PLEKHA2: variants seen among roughly 807,000 people sequenced by gnomAD.
PLEKHA2 encodes the protein pleckstrin homology domain containing A2.
Under a neutral mutation model 53.2 loss-of-function variants are expected in PLEKHA2, and 28 were observed. The observed-to-expected ratio is 0.53, with a 90% CI of 0.39 to 0.72. PLEKHA2 has a LOEUF of 0.72. Ranked by LOEUF, PLEKHA2 falls within the 30% of genes least tolerant of loss-of-function variation. The pLI, the probability that PLEKHA2 is intolerant of heterozygous loss-of-function variation, is 0.00. For synonymous variants in PLEKHA2, 193 were observed against 196.4 expected (o/e 0.98, Z 0.14); for missense variants, 426 against 537.9 (o/e 0.79, Z 2.06).
intron 3 of PLEKHA2, among the ~76,000 whole-genome samples, chr8:38,937,768 A>G (rs1834524066): frequency 6.6e-6 from 1 of 152,186 alleles, no homozygotes; most frequent in Non-Finnish European, 1.5e-5. Flanking sequence ...GGTTTTTCCC[A>G]GAATGACATT....
intron 5 of PLEKHA2, 150 bp from the exon 6 acceptor site, chr8:38,950,700 A>T (rs1834817485): frequency 1.1e-6 from 1 of 896,070 alleles, no homozygotes; most frequent in Non-Finnish European, 1.7e-6. Context: ...TCATATTCAG[A>T]TTTGGACTGT....
chr8:38,952,411 C>T (rs1339949265), intron 7 of PLEKHA2, 99 bp downstream of exon 7: 1 of 1,490,906 alleles, frequency 6.7e-7, no homozygotes, highest in Non-Finnish European at 9.0e-7. Flanking sequence ...CAGGAGGTGC[C>T]TCAGTCCTCC....
chr8:38,964,848 T>C (rs376323091), intron 10 of PLEKHA2, among the ~76,000 whole-genome samples: 3 of 145,216 alleles, frequency 2.1e-5, no homozygotes, highest in African/African-American at 7.5e-5. Flanking sequence ...TTCTTGTTAC[T>C]TCCCTTTTTT....
chr8:38,938,492 C>T (rs557114749), intron 3 of PLEKHA2, among the ~76,000 whole-genome samples: 5 of 152,328 alleles, frequency 3.3e-5, no homozygotes, highest in South Asian at 2.1e-4. Flanking sequence ...GCTCCTCTTC[C>T]GGCCATGGGC....
chr8:38,917,355 A>T (rs1834079042), intron 1 of PLEKHA2, among the ~76,000 whole-genome samples: 1 of 152,090 alleles, frequency 6.6e-6, no homozygotes, highest in Non-Finnish European at 1.5e-5. Context: ...GCAGAATTTT[A>T]TTCAGATGTT....
chr8:38,953,234 T>C (rs774875737), intron 8 of PLEKHA2, 63 bp from the exon 9 acceptor site: 7 of 1,328,130 alleles, frequency 5.3e-6, no homozygotes, highest in African/African-American at 1.5e-5. Context: ...ATTGGTCAGC[T>C]GGTCTGGGTC....
Position 38,969,406 on chromosome 8 carries a change from CTTTTATTTTTA to C in PLEKHA2, c.916-13_916-3del, listed in dbSNP as rs773963398. 6.3e-7 allele frequency: 1 copy of C among 1,597,922 alleles called. No individual in the cohort carries two copies. Among genetic ancestry groups the C allele is most frequent in the South Asian group, 1.1e-5 (1 of 88,166 alleles). ...CTAACTTTCTTTTGTCTTTTTCTTC[CTTTTATTTTTA>C]TAGGAAACGTCCTTTTCTAGATCCA... On this transcript the variant is annotated splice_region_variant and splice_polypyrimidine_tract_variant and intron_variant, in intron 11 of 11. Transcript: ENST00000617275.
At chr8:38,925,383 G>A (rs1834268187) in intron 2 of PLEKHA2, among the ~76,000 whole-genome samples, 1 of 152,174 alleles carries the variant, frequency 6.6e-6, no homozygotes, top group African/African-American at 2.4e-5. Context: ...AGTCCACTTG[G>A]CTAAGTAATT....
At chr8:38,969,045 C>A (rs531841842) in intron 11 of PLEKHA2, 14 of 310,208 alleles carry the variant, frequency 4.5e-5, no homozygotes, top group South Asian at 4.1e-4. Flanking sequence ...ATTACAGGCA[C>A]GTGCCACCAC....
At chr8:38,921,177 A>G (rs1433835347) in intron 2 of PLEKHA2, among the ~76,000 whole-genome samples, 2 of 152,206 alleles carry the variant, frequency 1.3e-5, no homozygotes, top group Non-Finnish European at 2.9e-5. Flanking sequence ...GGCTTTGGGC[A>G]CACCAGAGAT....
At chr8:38,958,188 A>G (rs551341311) in intron 10 of PLEKHA2, among the ~76,000 whole-genome samples, 2 of 152,158 alleles carry the variant, frequency 1.3e-5, no homozygotes, top group South Asian at 2.1e-4. Context: ...TTAGCTGGAC[A>G]TGGTGGTGTC....
chr8:38,935,655 G>C (rs1464593910), intron 2 of PLEKHA2, among the ~76,000 whole-genome samples: 2 of 152,166 alleles, frequency 1.3e-5, no homozygotes, highest in African/African-American at 4.8e-5. Context: ...CTGGCCTCAA[G>C]TGATCTTCCC....
At chr8:38,946,816 G>A (rs1196571226) in intron 5 of PLEKHA2, among the ~76,000 whole-genome samples, 2 of 152,196 alleles carry the variant, frequency 1.3e-5, no homozygotes, top group African/African-American at 4.8e-5. Flanking sequence ...AGGGTAGGAA[G>A]GATGGAGAGG....
chr8:38,961,112 T>C (rs1196445564), intron 10 of PLEKHA2, among the ~76,000 whole-genome samples: 3 of 152,130 alleles, frequency 2.0e-5, no homozygotes, highest in Non-Finnish European at 4.4e-5. Flanking sequence ...GTAGCCAGAA[T>C]TTTTTTTGAA....
intron 1 of PLEKHA2, among the ~76,000 whole-genome samples, chr8:38,907,818 TTATGTATGTATGTATG>T (rs79770085): frequency 1.3e-4 from 19 of 147,286 alleles, no homozygotes; most frequent in East Asian, 4.0e-4. Flanking sequence ...GCCACTTATT[TTATGTATGTATGTATG>T]TATGTATGTA....
At chr8:38,917,299 GT>G (rs1299568818) in intron 1 of PLEKHA2, among the ~76,000 whole-genome samples, 6 of 152,104 alleles carry the variant, frequency 3.9e-5, no homozygotes, top group African/African-American at 1.4e-4. Context: ...GCCTGTCCAT[GT>G]TTGCTTTGGT....
intron 2 of PLEKHA2, among the ~76,000 whole-genome samples, chr8:38,932,477 G>A (rs1198159335): frequency 2.0e-5 from 3 of 152,170 alleles, no homozygotes; most frequent in African/African-American, 7.2e-5. Flanking sequence ...TATGGCCAGG[G>A]AAGAGGGGGG....
chr8:38,936,875 G>A (rs569573879), intron 3 of PLEKHA2, among the ~76,000 whole-genome samples: 6 of 152,358 alleles, frequency 3.9e-5, no homozygotes, highest in African/African-American at 1.2e-4. Flanking sequence ...CTGAGGTTTC[G>A]GAAGTCCTGT....
At chr8:38,929,350 T>G (rs1367060216) in intron 2 of PLEKHA2, among the ~76,000 whole-genome samples, 1 of 152,244 alleles carries the variant, frequency 6.6e-6, no homozygotes, top group African/African-American at 2.4e-5. Context: ...TTGGACAAGT[T>G]CCTGCCCTGC....
Sources: gnomAD v4.1 joint callset for allele counts (sites outside exome capture counted in the v4.1 genomes callset) on GRCh38, gnomAD v4.1.1 for gene constraint, MANE v1.5 for transcripts, NCBI Gene and HGNC (gene_info 2026-07-23, HGNC 2026-07-21) for gene names.